TEX11: variants seen among roughly 807,000 people sequenced by gnomAD.
The protein encoded by TEX11 is testis expressed 11, also known as testis-expressed protein 11.
A neutral mutation model predicts 84.4 loss-of-function variants in TEX11; 7 were observed. The ratio of observed to expected loss-of-function variants is 0.08; its 90% CI spans 0.05 to 0.16. TEX11 has a LOEUF of 0.16. TEX11 is among the 10% of genes least tolerant of loss of function. The probability of loss-of-function intolerance (pLI) is 1.00; values close to 1 mark genes in which losing one functional copy is unlikely to be tolerated. For missense variants in TEX11, 551 were observed against 660.5 expected, an observed-to-expected ratio of 0.83 and a Z score of 1.82; for synonymous variants, 264 against 222.8, an observed-to-expected ratio of 1.18 and a Z score of -1.64.
chrX:70,698,217 A>G (rs1277085242), intron 13 of TEX11, among the ~76,000 whole-genome samples: 1 of 110,683 alleles, frequency 9.0e-6, no homozygotes, highest in African/African-American at 3.3e-5. Context: ...TGAAATATAC[A>G]ATAAATTATT....
intron 8 of TEX11, among the ~76,000 whole-genome samples, chrX:70,833,203 G>A (rs1438782618): frequency 9.2e-6 from 1 of 108,294 alleles, no homozygotes; most frequent in Non-Finnish European, 1.9e-5. Context: ...CCGGGAGGTG[G>A]AGGTTGCAGT....
chrX:70,687,398 A>AT, intron 13 of TEX11, among the ~76,000 whole-genome samples: 1 of 111,194 alleles, frequency 9.0e-6, no homozygotes, highest in East Asian at 2.8e-4. Flanking sequence ...TACATTATTG[A>AT]TTTTAAGTGT....
intron 19 of TEX11, 25 bp from the exon 20 acceptor site, chrX:70,624,031 G>C (rs1357751580): frequency 1.7e-6 from 2 of 1,164,623 alleles, no homozygotes; most frequent in Non-Finnish European, 1.2e-6. Context: ...AATATGGAAA[G>C]TGATTCTTAG....
chrX:70,903,812 A>T (rs1318765495), intron 2 of TEX11, among the ~76,000 whole-genome samples: 1 of 108,460 alleles, frequency 9.2e-6, no homozygotes, highest in Non-Finnish European at 1.9e-5. Context: ...TTATCTAGAC[A>T]AATTTCTATT....
At chrX:70,584,385 A>G (rs1459799390) in intron 25 of TEX11, among the ~76,000 whole-genome samples, 2 of 112,449 alleles carry the variant, frequency 1.8e-5, no homozygotes, top group Non-Finnish European at 3.8e-5. Context: ...TATAACAAGT[A>G]AAGAGATTAA....
intron 16 of TEX11, among the ~76,000 whole-genome samples, chrX:70,658,537 C>T (rs1160947698): frequency 1.8e-5 from 2 of 111,241 alleles, no homozygotes; most frequent in Non-Finnish European, 1.9e-5. Flanking sequence ...TGAAGACTAA[C>T]AAGAAGAAAG....
intron 16 of TEX11, among the ~76,000 whole-genome samples, chrX:70,652,751 T>C (rs2089824322): frequency 8.9e-6 from 1 of 111,758 alleles, no homozygotes; most frequent in South Asian, 3.7e-4. Flanking sequence ...ACAGGTTTAA[T>C]AGCAGATTAG....
intron 1 of TEX11, 75 bp from the exon 2 acceptor site, chrX:70,907,885 T>C (rs1569465087): frequency 1.5e-6 from 1 of 679,969 alleles, no homozygotes; most frequent in Non-Finnish European, 2.3e-6. Context: ...CAGTGAAATG[T>C]TTCCCGTTAC....
At chrX:70,710,841 G>T (rs2090423788) in intron 13 of TEX11, among the ~76,000 whole-genome samples, 2 of 110,939 alleles carry the variant, frequency 1.8e-5, no homozygotes, top group Admixed American at 9.6e-5. Flanking sequence ...ACATTGTGCA[G>T]GTTTGTTACA....
Position 70,896,346 on chromosome X carries a change from G to A in TEX11, c.37+11407C>T, listed in dbSNP as rs80318298. ...ACCATCTCACACCAGCTAGAATGGC[G>A]ATTATTAAAAAGTCAGGAAACAACA... On this transcript the variant is annotated intron_variant, in intron 2 of 29. Transcript: ENST00000374333. 6.9e-3 allele frequency among the ~76,000 whole-genome samples: 778 copies of A among 112,262 alleles called. 8 individuals are homozygous for A. Among genetic ancestry groups the A allele is most frequent in the African/African-American group, 0.024 (741 of 30,920 alleles).
the TEX11 span, among the ~76,000 whole-genome samples, chrX:70,521,748 A>G: frequency 8.9e-6 from 1 of 112,347 alleles, no homozygotes; most frequent in African/African-American, 3.2e-5. Flanking sequence ...GCATAAGGCT[A>G]GACATAGTAA....
chrX:70,640,968 G>C (rs4844244), intron 17 of TEX11, among the ~76,000 whole-genome samples: 56,592 of 109,413 alleles, frequency 0.52, 11,334 homozygotes, highest in East Asian at 0.75. Context: ...AAAAGACACA[G>C]ACTGGCAAAT....
intron 9 of TEX11, among the ~76,000 whole-genome samples, chrX:70,774,467 C>A (rs2090990220): frequency 9.0e-6 from 1 of 110,815 alleles, no homozygotes; most frequent in Admixed American, 9.7e-5. Flanking sequence ...TCTAGAAAAA[C>A]CTCAAGACTC....
chrX:70,555,960 C>T (rs989070598), intron 25 of TEX11, among the ~76,000 whole-genome samples: 7 of 111,437 alleles, frequency 6.3e-5, no homozygotes, highest in African/African-American at 2.3e-4. Context: ...TTTAAAATGT[C>T]TGTAGGATCT....
At chrX:70,602,785 T>C (rs1365972685) in intron 24 of TEX11, among the ~76,000 whole-genome samples, 67 of 95,571 alleles carry the variant, frequency 7.0e-4, no homozygotes, top group Non-Finnish European at 1.3e-3. Flanking sequence ...GATGACATGA[T>C]TGTATATCTA....
At chrX:70,778,669 T>C (rs937386929) in intron 9 of TEX11, among the ~76,000 whole-genome samples, 1 of 110,927 alleles carries the variant, frequency 9.0e-6, no homozygotes, top group Non-Finnish European at 1.9e-5. Context: ...TGTTTGTTTG[T>C]TTTTCTGGTA....
intron 23 of TEX11, among the ~76,000 whole-genome samples, chrX:70,605,973 T>TG (rs1354069848): frequency 1.8e-5 from 2 of 112,172 alleles, no homozygotes; most frequent in African/African-American, 6.5e-5. Flanking sequence ...TCATTAACAT[T>TG]GTATAGTTTT....
intron 20 of TEX11, among the ~76,000 whole-genome samples, chrX:70,618,232 A>G (rs988582813): frequency 9.0e-6 from 1 of 111,381 alleles, no homozygotes; most frequent in African/African-American, 3.3e-5. Context: ...GGATGTTTGT[A>G]TGGTGTATGA....
At chrX:70,672,148 A>G (rs962695266) in intron 15 of TEX11, among the ~76,000 whole-genome samples, 1 of 109,791 alleles carries the variant, frequency 9.1e-6, no homozygotes, top group African/African-American at 3.3e-5. Context: ...CGCTCAGCAA[A>G]ACAGTTTCTA....
Sources: gnomAD v4.1 joint callset for allele counts (sites outside exome capture counted in the v4.1 genomes callset) on GRCh38, gnomAD v4.1.1 for gene constraint, MANE v1.5 for transcripts, NCBI Gene and HGNC (gene_info 2026-07-23, HGNC 2026-07-21) for gene names.